The following GRIP1 variants were observed in gnomAD, a reference collection of about 807,000 sequenced individuals.
The protein encoded by GRIP1 is glutamate receptor-interacting protein 1.
A neutral mutation model predicts 129.9 loss-of-function variants in GRIP1; 45 were observed. The ratio of observed to expected loss-of-function variants is 0.35; its 90% CI spans 0.27 to 0.44. GRIP1 has a LOEUF of 0.44. Ranked by LOEUF, GRIP1 falls within the 20% of genes least tolerant of loss-of-function variation. The probability of loss-of-function intolerance (pLI) is 1.00; values close to 1 mark genes in which losing one functional copy is unlikely to be tolerated. For synonymous variants in GRIP1, 530 were observed against 520.8 expected (o/e 1.02, Z -0.24); for missense variants, 1,196 against 1,396.8 (o/e 0.86, Z 2.29).
chr12:66,544,898 G>A (rs1005863220), intron 2 of GRIP1, among the ~76,000 whole-genome samples: 9 of 152,104 alleles, frequency 5.9e-5, no homozygotes, highest in African/African-American at 2.2e-4. Context: ...GAAGACAGAT[G>A]CATTCATTTG....
chr12:66,942,840 T>C (rs2137454965), intron 1 of GRIP1, among the ~76,000 whole-genome samples: 1 of 152,332 alleles, frequency 6.6e-6, no homozygotes, highest in South Asian at 2.1e-4. Context: ...TGAATACGAC[T>C]GTGCCTTTAT....
At chr12:66,690,802 G>A (rs1251337616) in intron 1 of GRIP1, among the ~76,000 whole-genome samples, 1 of 151,206 alleles carries the variant, frequency 6.6e-6, no homozygotes, top group African/African-American at 2.4e-5. Context: ...GCATTGTGGT[G>A]TGTGCCTGTA....
At chr12:66,945,592 T>G (rs988822219) in intron 1 of GRIP1, among the ~76,000 whole-genome samples, 1 of 152,064 alleles carries the variant, frequency 6.6e-6, no homozygotes, top group African/African-American at 2.4e-5. Flanking sequence ...TGCCACATAC[T>G]TTGAAACAAC....
chr12:66,927,849 T>C (rs1383260337), intron 1 of GRIP1, among the ~76,000 whole-genome samples: 1 of 152,200 alleles, frequency 6.6e-6, no homozygotes, highest in African/African-American at 2.4e-5. Context: ...ATCATTTTAT[T>C]AGCCTTGGTG....
intron 1 of GRIP1, among the ~76,000 whole-genome samples, chr12:66,659,896 A>G (rs946032953): frequency 6.6e-6 from 1 of 152,202 alleles, no homozygotes; most frequent in African/African-American, 2.4e-5. Context: ...ATGGTCTTAT[A>G]TAGTATAAAC....
chr12:66,882,732 C>A (rs2040501053), intron 1 of GRIP1, among the ~76,000 whole-genome samples: 1 of 152,144 alleles, frequency 6.6e-6, no homozygotes, highest in African/African-American at 2.4e-5. Flanking sequence ...ACAATAATAA[C>A]ATTCTGCTTA....
At chr12:66,852,195 T>G (rs1309431402) in intron 1 of GRIP1, among the ~76,000 whole-genome samples, 1 of 152,104 alleles carries the variant, frequency 6.6e-6, no homozygotes, top group African/African-American at 2.4e-5. Flanking sequence ...GTACCTACTT[T>G]AGTCATAAAA....
intron 1 of GRIP1, among the ~76,000 whole-genome samples, chr12:66,818,586 A>T (rs1455625062): frequency 1.3e-5 from 2 of 152,234 alleles, no homozygotes; most frequent in Non-Finnish European, 2.9e-5. Context: ...GGATACAGTC[A>T]TAGTACTTTG....
intron 7 of GRIP1, among the ~76,000 whole-genome samples, chr12:66,515,374 G>C (rs566749139): frequency 6.6e-6 from 1 of 152,266 alleles, no homozygotes; most frequent in South Asian, 2.1e-4. Flanking sequence ...AGAGCTGATT[G>C]CTAGGTGAAA....
intron 1 of GRIP1, among the ~76,000 whole-genome samples, chr12:66,757,353 C>T (rs979634767): frequency 6.6e-6 from 1 of 152,126 alleles, no homozygotes; most frequent in Non-Finnish European, 1.5e-5. Context: ...CTGTGTCTGG[C>T]TTATTTCACT....
intron 14 of GRIP1, among the ~76,000 whole-genome samples, chr12:66,425,297 G>A (rs1237682557): frequency 6.6e-6 from 1 of 152,130 alleles, no homozygotes; most frequent in African/African-American, 2.4e-5. Context: ...CAGTTAGAAT[G>A]GCGATCATTA....
intron 7 of GRIP1, among the ~76,000 whole-genome samples, chr12:66,480,518 A>G (rs1369766567): frequency 6.6e-6 from 1 of 152,222 alleles, no homozygotes; most frequent in Non-Finnish European, 1.5e-5. Flanking sequence ...TGCTATCCTC[A>G]TCAAGCTACC....
At chr12:66,952,666 C>T (rs960205196) in intron 1 of GRIP1, among the ~76,000 whole-genome samples, 2 of 152,102 alleles carry the variant, frequency 1.3e-5, no homozygotes, top group African/African-American at 4.8e-5. Context: ...CTTTTTTTAA[C>T]ACAAAACATG....
chr12:66,682,614 G>C (rs1032418604), upstream of GRIP1, among the ~76,000 whole-genome samples: 1 of 151,970 alleles, frequency 6.6e-6, no homozygotes, highest in African/African-American at 2.4e-5. Context: ...TCATTTCCTT[G>C]ATTCTCCGCC....
intron 7 of GRIP1, 42 bp downstream of exon 7, chr12:66,515,577 G>A (rs749240511): frequency 1.3e-5 from 20 of 1,573,538 alleles, no homozygotes; most frequent in African/African-American, 5.4e-5. Flanking sequence ...AGACAGTGAC[G>A]TTCTGGTGCT....
rs115718701 is a variant in GRIP1 at position 66,403,460 on chromosome 12, T to C, written c.1984+2823A>G. Among the ~76,000 whole-genome samples the C allele has an allele frequency of 7.1e-3, 1,083 of 152,330 alleles. 17 individuals carry two copies. The highest frequency in any genetic ancestry group is 0.025 in the African/African-American group (1,040 of 41,572). ...AAAATGAATTCAGATACTCAAATTA[T>C]ATTTATGATGTTATGAGGGAAGAGG... On this transcript the variant is annotated intron_variant, in intron 16 of 24. Transcript: ENST00000359742.
In GRIP1 at chr12:66,468,662, T is replaced by C. The variant is rs547763585; in HGVS notation, c.725-3240A>G. ...TCAGGATATTCAAAAGGTGTCTAAATATAAACCCTTAAGTTAGTTTTTTTT... is the reference window on the plus strand; with the variant it reads ...TCAGGATATTCAAAAGGTGTCTAAACATAAACCCTTAAGTTAGTTTTTTTT... On this transcript the variant is annotated intron_variant, in intron 7 of 24. Coordinates refer to ENST00000359742, the MANE Select transcript of GRIP1 (RefSeq NM_001366722.1). Among the ~76,000 whole-genome samples the C allele has an allele frequency of 3.1e-5, 4 of 126,998 alleles. No homozygotes were observed. In the Admixed American group the frequency reaches 3.6e-4, roughly 11 times the overall value. 83.3% of individuals were successfully genotyped at this position (126,998 alleles called of 152,430 possible). A position where few individuals can be genotyped will look rare whatever the true frequency, so the allele number is the denominator to read the frequency against.
At chr12:66,456,589 T>G (rs1489963524) in intron 9 of GRIP1, among the ~76,000 whole-genome samples, 3 of 152,130 alleles carry the variant, frequency 2.0e-5, no homozygotes, top group African/African-American at 7.2e-5. Context: ...GCTCGTTTTT[T>G]CTTCTTTTAA....
At chr12:66,839,641 G>C (rs1220428559) in intron 1 of GRIP1, among the ~76,000 whole-genome samples, 1 of 152,152 alleles carries the variant, frequency 6.6e-6, no homozygotes, top group Admixed American at 6.5e-5. Context: ...ATAAGCTTGG[G>C]CTTCAAAGGC....
Sources: gnomAD v4.1 joint callset for allele counts (sites outside exome capture counted in the v4.1 genomes callset) on GRCh38, gnomAD v4.1.1 for gene constraint, MANE v1.5 for transcripts, NCBI Gene and HGNC (gene_info 2026-07-23, HGNC 2026-07-21) for gene names.